ADAMTS10: variants seen among roughly 807,000 people sequenced by gnomAD.
ADAMTS10 encodes A disintegrin and metalloproteinase with thrombospondin motifs 10.
In ADAMTS10, 48 loss-of-function variants were observed where a neutral mutation model predicts 135.9. The observed-to-expected ratio is 0.35, with a 90% confidence interval of 0.28 to 0.45. ADAMTS10 has a LOEUF of 0.45. ADAMTS10 is among the 20% of genes least tolerant of loss of function. The probability of loss-of-function intolerance (pLI) is 1.00; values close to 1 mark genes in which losing one functional copy is unlikely to be tolerated. For synonymous variants in ADAMTS10, 621 were observed against 647.5 expected, an observed-to-expected ratio of 0.96 and a Z score of 0.62; for missense variants, 1,131 against 1,565.2, an observed-to-expected ratio of 0.72 and a Z score of 4.68.
In ADAMTS10 at chr19:8,603,297, C is replaced by T. The variant is rs552039197; in HGVS notation, c.592+431G>A. 5.9e-5 allele frequency among the ~76,000 whole-genome samples: 9 copies of T among 152,246 alleles called. No individual in the cohort carries two copies. The East Asian group carries it at 9.7e-4, about 16-fold the overall frequency. ...AACTCCCTATTTTTTCTTTTTGAGA[C>T]GGAGTCTTGCTGTGTCGCCCAGGCT... is the stretch of plus-strand genomic sequence containing the variant. On this transcript the variant is annotated intron_variant, in intron 5 of 25. Coordinates refer to ENST00000597188, the MANE Select transcript of ADAMTS10 (RefSeq NM_030957.4).
In ADAMTS10 at chr19:8,601,621, C is replaced by G. The variant is rs2042671144; in HGVS notation, c.593-476G>C. On this transcript the variant is annotated intron_variant, in intron 5 of 25. Transcript: ENST00000597188. The surrounding 1 kb of genome is among the most constrained non-coding windows in gnomAD (Gnocchi z 4.6). ...AAGTGATCCACCCGTCTCAGCCTCC[C>G]AAAGTGCTGGGATTACAGGTTTGAG... 6.6e-6 allele frequency among the ~76,000 whole-genome samples: 1 copy of G among 152,128 alleles called. No homozygotes were observed. Among genetic ancestry groups the G allele is most frequent in the African/African-American group, 2.4e-5 (1 of 41,418 alleles).
rs782138140 is a variant in ADAMTS10 at position 8,605,074 on chromosome 19, C to A, written c.373G>T (p.Ala125Ser). ...CTGGCCTGGCCCTGCAGGTGACCAGCGTAGAGGCAGTGGGGCCGGGCCGCC... is the reference window on the plus strand; with the variant it reads ...CTGGCCTGGCCCTGCAGGTGACCAGAGTAGAGGCAGTGGGGCCGGGCCGCC... ...QRAARPHCLY[A>S]GHLQGQASSS... Residue 125 changes from alanine (A) to serine (S), a missense_variant, in exon 4 of 26, where the codon GCT becomes TCT. Physicochemically the swap from Ala to Ser is moderately conservative, Grantham distance 99 (BLOSUM62 1). Transcript: ENST00000597188. This position sits in a 1 kb window ranked among gnomAD's most constrained non-coding sequence, Gnocchi z 7.7. 4 of 1,612,010 alleles carry A rather than the reference C, an allele frequency of 2.5e-6. No homozygotes were observed. The highest frequency in any genetic ancestry group is 3.4e-6 in the Non-Finnish European group (4 of 1,179,462).
chr19:8,605,935 T>C lies in ADAMTS10; in HGVS notation c.-99-126A>G, dbSNP rs2146104666. 1.1e-6 allele frequency: 1 copy of C among 903,502 alleles called. No individual in the cohort carries two copies. Among genetic ancestry groups the C allele is most frequent in the Non-Finnish European group, 1.6e-6 (1 of 616,252 alleles). The allele number at this position is 903,502 out of a possible 1,614,324, so 56.0% of individuals were successfully genotyped here. A position where few individuals can be genotyped will look rare whatever the true frequency, so the allele number is the denominator to read the frequency against. ...ATTCTGAATGCATTTTCTCACTCAG[T>C]CACTCCCCTCTCCCCACCTCCCCTT... On this transcript the variant is annotated intron_variant, in intron 2 of 25. Coordinates refer to ENST00000597188, the MANE Select transcript of ADAMTS10 (RefSeq NM_030957.4). The surrounding 1 kb of genome is among the most constrained non-coding windows in gnomAD (Gnocchi z 7.7).
chr19:8,592,771 C>G lies in ADAMTS10; in HGVS notation c.1579G>C (p.Asp527His). ...CCCTGGCCGGCGCTCACCCCCTTGT[C>G]GATGGTGTGCGTCTGGCACAGCGTG... ...EGTLCQTHTI[D>H]KGWCYKRVCV... Residue 527 changes from aspartate to histidine, a missense_variant, in exon 13 of 26, where the codon GAC (aspartate) becomes CAC (histidine). Asp to His is a moderately conservative substitution (Grantham distance 81, BLOSUM62 -1). Coordinates refer to ENST00000597188, the MANE Select transcript of ADAMTS10 (RefSeq NM_030957.4). 1 of 1,611,760 alleles carries G rather than the reference C, an allele frequency of 6.2e-7. No individual in the cohort carries two copies. The highest frequency in any genetic ancestry group is 2.2e-5 in the East Asian group (1 of 44,842).
At chr19:8,589,390 G>A in intron 17 of ADAMTS10, 25 bp from the exon 18 acceptor site, 9 of 1,611,098 alleles carry the variant, frequency 5.6e-6, no homozygotes, top group Non-Finnish European at 7.6e-6. Flanking sequence ...CGTGAGTGAG[G>A]CGACCCCCTA....
At chr19:8,591,282 T>C (rs1467466964) in intron 15 of ADAMTS10, among the ~76,000 whole-genome samples, 1 of 148,512 alleles carries the variant, frequency 6.7e-6, no homozygotes, top group African/African-American at 2.5e-5. Flanking sequence ...AGTCTAAATG[T>C]AGGAGGAAAA....
Position 8,592,877 on chromosome 19 carries a change from G to T in ADAMTS10, c.1480-7C>A. Reference sequence around the variant, plus strand: ...ACAGCTCGCTGCAGACCTCCTGCGGGCCGAGGTGCCCGCTCAGGCTCGCCC... The same window carrying T: ...ACAGCTCGCTGCAGACCTCCTGCGGTCCGAGGTGCCCGCTCAGGCTCGCCC... On this transcript the variant is annotated splice_polypyrimidine_tract_variant and splice_region_variant and intron_variant, in intron 12 of 25. Coordinates refer to ENST00000597188, the MANE Select transcript of ADAMTS10 (RefSeq NM_030957.4). 6.2e-7 allele frequency: 1 copy of T among 1,608,800 alleles called. No individual in the cohort carries two copies.
intron 18 of ADAMTS10, 123 bp from the exon 19 acceptor site, chr19:8,587,019 C>A: frequency 2.0e-6 from 2 of 1,012,968 alleles, no homozygotes; most frequent in Non-Finnish European, 3.1e-6. Flanking sequence ...TCTAACTGCA[C>A]CCCTGCCCCA....
At chr19:8,581,972 A>C (rs2042358418) in intron 25 of ADAMTS10, among the ~76,000 whole-genome samples, 1 of 151,734 alleles carries the variant, frequency 6.6e-6, no homozygotes, top group Admixed American at 6.6e-5. Context: ...TGGAGGCTGC[A>C]GTGAGCTATG....
Position 8,601,127 on chromosome 19 carries a change from C to G in ADAMTS10, c.611G>C (p.Gly204Ala). The change falls in exon 6 of 26, where the codon GGG becomes GCG. Residue 204 changes from glycine to alanine, a missense_variant. Gly to Ala is a moderately conservative substitution (Grantham distance 60, BLOSUM62 0). Around this residue, in one of 3 missense-constraint regions of ADAMTS10, gnomAD observed 306 missense variants for 344.4 expected, o/e 0.89. Transcript: ENST00000597188. The surrounding 1 kb of genome is among the most constrained non-coding windows in gnomAD (Gnocchi z 4.6). ...CAAGGTCCGCAGCCACCATGGCCGC[C>G]CTTTCCACGGTTTCTCATCTGGGGA... ...CGVRDEKPWK[G>A]RPWWLRTLKP... 6.2e-7 allele frequency: 1 copy of G among 1,613,762 alleles called. No individual in the cohort carries two copies. Among genetic ancestry groups the G allele is most frequent in the Non-Finnish European group, 8.5e-7 (1 of 1,180,032 alleles).
Position 8,601,395 on chromosome 19 carries a change from T to G in ADAMTS10, c.593-250A>C, listed in dbSNP as rs1452718756. Reference sequence around the variant, plus strand: ...TTTTTTTTTTGAGACGGAGTATCATTCTGTCACCCAGGCTGGACTGCAGTG... The same window carrying G: ...TTTTTTTTTTGAGACGGAGTATCATGCTGTCACCCAGGCTGGACTGCAGTG... On this transcript the variant is annotated intron_variant, in intron 5 of 25. Transcript: ENST00000597188. This position sits in a 1 kb window ranked among gnomAD's most constrained non-coding sequence, Gnocchi z 4.6. 1.3e-5 allele frequency among the ~76,000 whole-genome samples: 2 copies of G among 151,200 alleles called. No individual in the cohort carries two copies. The highest frequency in any genetic ancestry group is 4.9e-5 in the African/African-American group (2 of 41,026).
Position 8,601,383 on chromosome 19 carries a change from A to G in ADAMTS10, c.593-238T>C, listed in dbSNP as rs1331632490. ...TATTCTTTTTTTTTTTTTTTTTGAG[A>G]CGGAGTATCATTCTGTCACCCAGGC... On this transcript the variant is annotated intron_variant, in intron 5 of 25. Coordinates refer to ENST00000597188, the MANE Select transcript of ADAMTS10 (RefSeq NM_030957.4). This position sits in a 1 kb window ranked among gnomAD's most constrained non-coding sequence, Gnocchi z 4.6. Among the ~76,000 whole-genome samples the G allele has an allele frequency of 1.2e-4, 17 of 141,638 alleles. No individual in the cohort carries two copies. The highest frequency in any genetic ancestry group is 4.5e-4 in the African/African-American group (17 of 37,804). The allele number at this position is 141,638 out of a possible 152,430, so 92.9% of individuals were successfully genotyped here.
chr19:8,591,435 C>A (rs2042524678), intron 15 of ADAMTS10, among the ~76,000 whole-genome samples: 1 of 138,730 alleles, frequency 7.2e-6, no homozygotes, highest in Non-Finnish European at 1.6e-5. Flanking sequence ...ACTCTGATAG[C>A]GTTTTTGTTT....
chr19:8,586,862 G>A lies in ADAMTS10; in HGVS notation c.2193C>T (p.Ser731=), dbSNP rs148379435. 1.2e-4 allele frequency: 201 copies of A among 1,614,074 alleles called. No homozygotes were observed. The highest frequency in any genetic ancestry group is 1.6e-4 in the Non-Finnish European group (185 of 1,180,054). ...YEDVVWIPKG[S]VHIFIQDLNL... ...TCAGATCCTGGATGAAGATGTGGAC[G>A]GAGCCTTTGGGAATCCAGACGACAT... Residue 731 remains serine (S), a synonymous_variant, in exon 19 of 26, where the codon TCC becomes TCT. Coordinates refer to ENST00000597188, the MANE Select transcript of ADAMTS10 (RefSeq NM_030957.4).
Position 8,585,945 on chromosome 19 carries a change from G to A in ADAMTS10, c.2660+177C>T, listed in dbSNP as rs569236152. The stretch of plus-strand genomic sequence containing the variant: ...CATGCAGCTTTGACCGCCACCTTGG[G>A]GGCACTATTACCTTGGACTCCCCCA... On this transcript the variant is annotated intron_variant, in intron 22 of 25. Transcript: ENST00000597188. Among the ~76,000 whole-genome samples, 10 of 152,214 alleles carry A rather than the reference G, an allele frequency of 6.6e-5. No individual in the cohort carries two copies. The East Asian group carries it at 1.9e-3, about 29-fold the overall frequency.
chr19:8,605,567 A>T lies in ADAMTS10; in HGVS notation c.88+56T>A, dbSNP rs2042712623. The T allele has an allele frequency of 1.9e-6, 3 of 1,581,226 alleles. No individual in the cohort carries two copies. Among genetic ancestry groups the T allele is most frequent in the Non-Finnish European group, 2.6e-6 (3 of 1,163,934 alleles). On this transcript the variant is annotated intron_variant, in intron 3 of 25. Coordinates refer to ENST00000597188, the MANE Select transcript of ADAMTS10 (RefSeq NM_030957.4). This position sits in a 1 kb window ranked among gnomAD's most constrained non-coding sequence, Gnocchi z 7.7. ...TGATGCCTCTTTCTGTTGGAGCCCA[A>T]CTGGTCTCTTACATTTTTCGCTCCC...
At chr19:8,595,698 T>TGCCTGCCCC in intron 12 of ADAMTS10, 64 bp downstream of exon 12, 1 of 1,291,948 alleles carries the variant, frequency 7.7e-7, no homozygotes, top group Non-Finnish European at 1.1e-6. Flanking sequence ...CTGGTGGAGT[T>TGCCTGCCCC]CCCTCCCCCA....
At chr19:8,582,027 T>TCAAACAAA (rs5827004) in intron 25 of ADAMTS10, among the ~76,000 whole-genome samples, 4,266 of 149,792 alleles carry the variant, frequency 0.028, 133 homozygotes, top group African/African-American at 0.083. Context: ...CGAGACCCTG[T>TCAAACAAA]CAAACAAACA....
intron 16 of ADAMTS10, 136 bp downstream of exon 16, chr19:8,589,753 T>G: frequency 1.4e-6 from 2 of 1,389,388 alleles, no homozygotes; most frequent in Non-Finnish European, 2.0e-6. Context: ...CATGGTACCG[T>G]ATCCCAGGTA....
Sources: gnomAD v4.1 joint callset for allele counts (sites outside exome capture counted in the v4.1 genomes callset) on GRCh38, gnomAD v4.1.1 for gene constraint, gnomAD v4.1.1 regional missense constraint, Gnocchi (gnomAD v3.1) non-coding constraint, MANE v1.5 for transcripts, NCBI Gene and HGNC (gene_info 2026-07-23, HGNC 2026-07-21) for gene names.